SPATA16: variants seen among roughly 807,000 people sequenced by gnomAD.
SPATA16 encodes spermatogenesis associated 16.
A neutral mutation model predicts 63.3 loss-of-function variants in SPATA16; 36 were observed. The observed-to-expected ratio is 0.57, with a 90% CI of 0.44 to 0.75. SPATA16 has a LOEUF of 0.75. Ranked by LOEUF, SPATA16 falls within the 30% of genes least tolerant of loss-of-function variation. The pLI is 0.00. For synonymous variants in SPATA16, 203 were observed against 216.7 expected (o/e 0.94, Z 0.56); for missense variants, 646 against 679.3 (o/e 0.95, Z 0.54).
rs552564192 is a variant in SPATA16 at position 172,906,103 on chromosome 3, T to G, written c.1587+7558A>C. 3.3e-5 allele frequency among the ~76,000 whole-genome samples: 5 copies of G among 152,330 alleles called. No individual in the cohort carries two copies. In the East Asian group the frequency reaches 9.6e-4, roughly 29 times the overall value. ...AGTGTTGCTTAGCTGTTTGATTCTA[T>G]GACAAGAAGAAATAGAAGTGTTCCA... On this transcript the variant is annotated intron_variant, in intron 10 of 10. Transcript: ENST00000351008.
At chr3:173,087,624 T>C (rs1298430283) in intron 2 of SPATA16, among the ~76,000 whole-genome samples, 1 of 152,186 alleles carries the variant, frequency 6.6e-6, no homozygotes, top group Non-Finnish European at 1.5e-5. Flanking sequence ...GTGTCATTGG[T>C]CTGTGTACTT....
intron 4 of SPATA16, among the ~76,000 whole-genome samples, chr3:173,000,999 T>C (rs1734810144): frequency 6.6e-6 from 1 of 152,230 alleles, no homozygotes; most frequent in African/African-American, 2.4e-5. Context: ...ATTCCTGTTC[T>C]GGTAATTCCA....
At chr3:172,985,448 G>A (rs1019478926) in intron 4 of SPATA16, among the ~76,000 whole-genome samples, 2 of 152,136 alleles carry the variant, frequency 1.3e-5, no homozygotes, top group African/African-American at 2.4e-5. Flanking sequence ...ACATGATGCC[G>A]ATCTCTATGA....
intron 1 of SPATA16, among the ~76,000 whole-genome samples, chr3:173,134,103 G>T (rs1738463283): frequency 6.6e-6 from 1 of 152,158 alleles, no homozygotes; most frequent in African/African-American, 2.4e-5. Flanking sequence ...GAGGCAGCAT[G>T]GCTTTGATGC....
At chr3:173,069,064 G>T (rs1736601414) in intron 2 of SPATA16, among the ~76,000 whole-genome samples, 1 of 148,252 alleles carries the variant, frequency 6.7e-6, no homozygotes, top group African/African-American at 2.5e-5. Context: ...GAGCTGAGAT[G>T]GTGCCACTGC....
At chr3:172,897,786 C>T (rs2109543660) in intron 10 of SPATA16, among the ~76,000 whole-genome samples, 1 of 152,142 alleles carries the variant, frequency 6.6e-6, no homozygotes, top group South Asian at 2.1e-4. Context: ...GAATTTCCAG[C>T]ACTATGTTGA....
intron 2 of SPATA16, among the ~76,000 whole-genome samples, chr3:173,087,496 T>C (rs1426861296): frequency 6.6e-6 from 1 of 152,230 alleles, no homozygotes; most frequent in East Asian, 1.9e-4. Context: ...TCTGTGTCTT[T>C]TAATTGGCAC....
chr3:172,958,143 G>A (rs1413244015), intron 5 of SPATA16, among the ~76,000 whole-genome samples: 1 of 152,166 alleles, frequency 6.6e-6, no homozygotes, highest in Non-Finnish European at 1.5e-5. Context: ...ATACATAGCG[G>A]TTCTTCCAAA....
At chr3:172,899,790 G>A (rs538151894) in intron 10 of SPATA16, among the ~76,000 whole-genome samples, 17 of 151,954 alleles carry the variant, frequency 1.1e-4, no homozygotes, top group Admixed American at 1.0e-3. Flanking sequence ...GGCTTTTTGA[G>A]TATTTGCTCT....
intron 4 of SPATA16, among the ~76,000 whole-genome samples, chr3:172,997,258 A>G (rs1322657732): frequency 6.6e-6 from 1 of 151,970 alleles, no homozygotes; most frequent in Non-Finnish European, 1.5e-5. Context: ...CATTCCCACC[A>G]GCAATGAAGC....
intron 10 of SPATA16, among the ~76,000 whole-genome samples, chr3:172,902,315 A>G (rs12632600): frequency 2.6e-5 from 4 of 152,054 alleles, no homozygotes; most frequent in Non-Finnish European, 5.9e-5. Context: ...GTGCTGGGAT[A>G]ACAGGCATGA....
chr3:172,971,577 A>C (rs1734048708), intron 5 of SPATA16, among the ~76,000 whole-genome samples: 2 of 152,148 alleles, frequency 1.3e-5, no homozygotes, highest in South Asian at 4.1e-4. Context: ...AAGACAGGCA[A>C]TGTCTATTTT....
intron 6 of SPATA16, among the ~76,000 whole-genome samples, chr3:172,933,180 C>G (rs1238864336): frequency 6.6e-6 from 1 of 152,204 alleles, no homozygotes; most frequent in African/African-American, 2.4e-5. Context: ...AAGATTCCCT[C>G]TCAATGTTTA....
intron 10 of SPATA16, among the ~76,000 whole-genome samples, chr3:172,890,845 G>C (rs1731880039): frequency 1.3e-5 from 2 of 149,882 alleles, no homozygotes; most frequent in Non-Finnish European, 3.0e-5. Flanking sequence ...TTTTTAAAAA[G>C]CACATTGTTT....
At chr3:173,026,524 C>T (rs1053501797) in intron 3 of SPATA16, among the ~76,000 whole-genome samples, 2 of 151,806 alleles carry the variant, frequency 1.3e-5, no homozygotes, top group Non-Finnish European at 2.9e-5. Context: ...TCCAAGGTGA[C>T]AAAGAATTTC....
chr3:173,056,910 G>A (rs1736244793), intron 2 of SPATA16, among the ~76,000 whole-genome samples: 1 of 151,560 alleles, frequency 6.6e-6, no homozygotes, highest in African/African-American at 2.4e-5. Flanking sequence ...CCCCAAATGT[G>A]TACTATTTTT....
At chr3:173,002,312 T>C (rs1734845238) in intron 4 of SPATA16, among the ~76,000 whole-genome samples, 1 of 152,166 alleles carries the variant, frequency 6.6e-6, no homozygotes, top group African/African-American at 2.4e-5. Flanking sequence ...AACTCTGTTT[T>C]ATTAGGATAT....
At chr3:173,079,560 G>T (rs146081910) in intron 2 of SPATA16, among the ~76,000 whole-genome samples, 63 of 152,018 alleles carry the variant, frequency 4.1e-4, no homozygotes, top group African/African-American at 1.5e-3. Flanking sequence ...TATCTCCCCC[G>T]TAAGATTTTA....
At chr3:173,139,144 AC>A (rs1412291440) in intron 1 of SPATA16, among the ~76,000 whole-genome samples, 1 of 152,208 alleles carries the variant, frequency 6.6e-6, no homozygotes, top group African/African-American at 2.4e-5. Context: ...TTGCCTGAAA[AC>A]AGTAACCGCT....
Sources: allele counts gnomAD v4.1 joint callset (sites outside exome capture counted in the v4.1 genomes callset), GRCh38; gene constraint gnomAD v4.1.1; transcripts MANE v1.5; gene names NCBI Gene and HGNC (gene_info 2026-07-23, HGNC 2026-07-21).